Variants in ANKS4B observed in about 807,000 individuals in gnomAD.
ANKS4B encodes the protein ankyrin repeat and sterile alpha motif domain containing 4B, also known as ankyrin repeat and SAM domain-containing protein 4B.
A neutral mutation model predicts 20.2 loss-of-function variants in ANKS4B; 21 were observed. The ratio of observed to expected loss-of-function variants is 1.04; its 90% CI spans 0.74 to 1.50. The LOEUF is 1.50. Among genes scored for constraint, ANKS4B ranks in the 40% most tolerant of loss-of-function variants. ANKS4B has a pLI of 0.00. For synonymous variants in ANKS4B, 179 were observed against 194.5 expected (o/e 0.92, Z 0.66); for missense variants, 473 against 494.6 (o/e 0.96, Z 0.41).
chr16:21,249,674 C>A, intron 1 of ANKS4B, 57 bp from the exon 2 acceptor site: 2 of 1,522,698 alleles, frequency 1.3e-6, no homozygotes, highest in Non-Finnish European at 1.8e-6. Context: ...TTTTTTTGGG[C>A]CTGCGTTCAG....
chr16:21,238,295 T>C (rs2093322629), intron 1 of ANKS4B, among the ~76,000 whole-genome samples: 1 of 152,250 alleles, frequency 6.6e-6, no homozygotes, highest in Non-Finnish European at 1.5e-5. Flanking sequence ...ATTGCCACTT[T>C]TGTGAACTGT....
chr16:21,249,938 GAAC>G lies in ANKS4B; in HGVS notation c.374_376del (p.Asn125del). 1 of 1,614,206 alleles carries G rather than the reference GAAC, an allele frequency of 6.2e-7. No homozygotes were observed. Among genetic ancestry groups the G allele is most frequent in the South Asian group, 1.1e-5 (1 of 91,084 alleles). ...TCCTGGACAAGGCTGCCACTGCACA[GAAC>G]ATCATGAACCCCAAGAAGGTCACCA... On this transcript the variant is annotated inframe_deletion, in exon 2 of 2. Transcript: ENST00000311620.
chr16:21,239,793 C>A (rs1447927970), intron 1 of ANKS4B, among the ~76,000 whole-genome samples: 2 of 152,068 alleles, frequency 1.3e-5, no homozygotes, highest in African/African-American at 4.8e-5. Flanking sequence ...TTATTCTTAG[C>A]GAGCTAACGC....
At chr16:21,246,988 C>T (rs557729034) in intron 1 of ANKS4B, among the ~76,000 whole-genome samples, 9 of 151,938 alleles carry the variant, frequency 5.9e-5, no homozygotes, top group Non-Finnish European at 7.4e-5. Flanking sequence ...AGTGAGCCTA[C>T]GAATCACCTG....
At chr16:21,245,721 T>C (rs1022253467) in intron 1 of ANKS4B, among the ~76,000 whole-genome samples, 16 of 152,234 alleles carry the variant, frequency 1.1e-4, no homozygotes, top group African/African-American at 3.9e-4. Flanking sequence ...AGCCTCGGCC[T>C]CCCAAAGTGC....
At chr16:21,242,461 C>T (rs2093327620) in intron 1 of ANKS4B, among the ~76,000 whole-genome samples, 1 of 152,222 alleles carries the variant, frequency 6.6e-6, no homozygotes, top group South Asian at 2.1e-4. Context: ...GCTGGGATTA[C>T]AGGCATGAGC....
intron 1 of ANKS4B, among the ~76,000 whole-genome samples, chr16:21,241,118 G>T (rs1315956460): frequency 6.6e-6 from 1 of 152,128 alleles, no homozygotes; most frequent in Non-Finnish European, 1.5e-5. Context: ...GATTTAGAGG[G>T]TACGTGTGCA....
In ANKS4B at chr16:21,241,424, T is replaced by C. The variant is rs375585079; in HGVS notation, c.164+7523T>C. ...ATTCTGTTTTATGGTGTTTGTTTGTTTGTTTTTGAGATGGACTCTCGCTCT... is the reference window on the plus strand; with the variant it reads ...ATTCTGTTTTATGGTGTTTGTTTGTCTGTTTTTGAGATGGACTCTCGCTCT... On this transcript the variant is annotated intron_variant, in intron 1 of 1. Coordinates refer to ENST00000311620, the MANE Select transcript of ANKS4B (RefSeq NM_145865.3). Among the ~76,000 whole-genome samples, 20 of 152,246 alleles carry C rather than the reference T, an allele frequency of 1.3e-4. No homozygotes were observed. The East Asian group carries it at 2.7e-3, about 21-fold the overall frequency.
At chr16:21,241,279 G>A (rs2152859462) in intron 1 of ANKS4B, among the ~76,000 whole-genome samples, 1 of 152,286 alleles carries the variant, frequency 6.6e-6, no homozygotes, top group East Asian at 1.9e-4. Context: ...TTACGTCTGT[G>A]AGTACCCAAT....
intron 1 of ANKS4B, among the ~76,000 whole-genome samples, chr16:21,242,239 T>C (rs915569660): frequency 6.6e-6 from 1 of 152,056 alleles, no homozygotes; most frequent in African/African-American, 2.4e-5. Context: ...CAGGCTGGAG[T>C]GAAGTGGCAC....
chr16:21,238,960 A>G (rs2093323345), intron 1 of ANKS4B: 1 of 152,214 alleles, frequency 6.6e-6, no homozygotes, highest in South Asian at 2.1e-4. Context: ...AAAAAAGAAC[A>G]GAAGTCTTGT....
At position 21,251,651 on chromosome 16, in the gene ANKS4B, A is replaced by G. The variant is rs1161949007; in HGVS notation, c.*831A>G. The G allele has an allele frequency of 6.6e-6, 1 of 152,214 alleles. No individual in the cohort carries two copies. The highest frequency in any genetic ancestry group is 1.5e-5 in the Non-Finnish European group (1 of 68,048). 9.4% of individuals were successfully genotyped at this position (152,214 alleles called of 1,614,324 possible). A position where few individuals can be genotyped will look rare whatever the true frequency, so the allele number is the denominator to read the frequency against. On this transcript the variant is annotated 3_prime_UTR_variant, in exon 2 of 2. Coordinates refer to ENST00000311620, the MANE Select transcript of ANKS4B (RefSeq NM_145865.3). Reference sequence around the variant, plus strand: ...GCGGCTTGATGCCCAACTTAAATGCATCTAACCCTTTAACAAATGTGTACA... The same window carrying G: ...GCGGCTTGATGCCCAACTTAAATGCGTCTAACCCTTTAACAAATGTGTACA...
chr16:21,242,971 A>G (rs1315784629), intron 1 of ANKS4B, among the ~76,000 whole-genome samples: 2 of 152,326 alleles, frequency 1.3e-5, no homozygotes, highest in East Asian at 3.9e-4. Flanking sequence ...TGCCAAAACC[A>G]AGTATTACTA....
intron 1 of ANKS4B, among the ~76,000 whole-genome samples, chr16:21,237,980 G>T (rs750751892): frequency 9.2e-5 from 14 of 152,156 alleles, no homozygotes; most frequent in Non-Finnish European, 1.8e-4. Context: ...TGGCCAACAT[G>T]GTGAAACCCC....
At position 21,250,112 on chromosome 16, in the gene ANKS4B, A is replaced by G. The variant is rs1451005944; in HGVS notation, c.546A>G (p.Arg182=). 6 of 1,614,126 alleles carry G rather than the reference A, an allele frequency of 3.7e-6. No homozygotes were observed. Among genetic ancestry groups the G allele is most frequent in the African/African-American group, 1.3e-5 (1 of 74,940 alleles). ...CTTCTTCCAAGGGTACCTTCTCCAG[A>G]TCATCCCCTTCAAATGCTTCTGCTC... ...TLSSSKGTFS[R]SSPSNASAPG... is the part of the protein sequence containing the mutation. Residue 182 remains arginine (R), a synonymous_variant, in exon 2 of 2, where the codon AGA becomes AGG. Transcript: ENST00000311620.
At chr16:21,242,360 G>C (rs1186176244) in intron 1 of ANKS4B, among the ~76,000 whole-genome samples, 1 of 152,126 alleles carries the variant, frequency 6.6e-6, no homozygotes, top group East Asian at 1.9e-4. Context: ...GCTAATTTTT[G>C]TATTTTCAGT....
rs373150932 is a variant in ANKS4B, at chr16:21,250,076, C to T, written c.510C>T (p.Ser170=). ...CCCACACCTACAGCAAGGAGGAATC[C>T]GGGACTCTCTCTTCTTCCAAGGGTA... The part of the protein sequence containing the change: ...KMAHTYSKEE[S]GTLSSSKGTF... The change falls in exon 2 of 2, where the codon TCC becomes TCT. Residue 170 remains serine, a synonymous_variant. Coordinates refer to ENST00000311620, the MANE Select transcript of ANKS4B (RefSeq NM_145865.3). 7.4e-6 allele frequency: 12 copies of T among 1,614,066 alleles called. No individual in the cohort carries two copies. Among genetic ancestry groups the T allele is most frequent in the South Asian group, 3.3e-5 (3 of 91,072 alleles).
chr16:21,245,799 G>A (rs762078168), intron 1 of ANKS4B, among the ~76,000 whole-genome samples: 2 of 152,106 alleles, frequency 1.3e-5, no homozygotes, highest in African/African-American at 4.8e-5. Flanking sequence ...AAGCATTATT[G>A]TGCTGTAGGA....
Position 21,249,797 on chromosome 16 carries a change from T to C in ANKS4B, c.231T>C (p.His77=). 2 of 1,614,184 alleles carry C rather than the reference T, an allele frequency of 1.2e-6. No individual in the cohort carries two copies. Among genetic ancestry groups the C allele is most frequent in the East Asian group, 4.5e-5 (2 of 44,888 alleles). Residue 77 remains histidine (H), a synonymous_variant, in exon 2 of 2, where the codon CAT becomes CAC. Transcript: ENST00000311620. ...TACATTTTGCAGCCTCCAATGGCCA[T>C]GCCCACTGCGTCTCATTCCTGGTCA... ...TPLHFAASNG[H]AHCVSFLVNF... is the part of the protein sequence containing the mutation.
Sources: allele counts gnomAD v4.1 joint callset (sites outside exome capture counted in the v4.1 genomes callset), GRCh38; gene constraint gnomAD v4.1.1; transcripts MANE v1.5; gene names NCBI Gene and HGNC (gene_info 2026-07-23, HGNC 2026-07-21).